Variants in TRPM2 observed in about 807,000 individuals in gnomAD.
TRPM2 encodes the protein transient receptor potential cation channel subfamily M member 2, also known as estrogen-responsive element-associated gene 1 protein.
In TRPM2, 161 loss-of-function variants were observed where a neutral mutation model predicts 174.0. The ratio of observed to expected loss-of-function variants is 0.93; its 90% CI spans 0.81 to 1.05. The LOEUF is 1.05. Among genes scored for constraint, TRPM2 ranks in the 50% least tolerant of loss-of-function variants. TRPM2 has a pLI of 0.00. For synonymous variants in TRPM2, 954 were observed against 861.3 expected, an observed-to-expected ratio of 1.11 and a Z score of -1.88; for missense variants, 2,057 against 2,038.0, an observed-to-expected ratio of 1.01 and a Z score of -0.18.
At chr21:44,409,868 G>GGTGA (rs764813383) in intron 19 of TRPM2, among the ~76,000 whole-genome samples, 10 of 141,034 alleles carry the variant, frequency 7.1e-5, no homozygotes, top group African/African-American at 7.6e-5. Flanking sequence ...ACACTGTCTT[G>GGTGA]GCGTAGACTT....
At chr21:44,380,090 C>A (rs2048835207) in intron 8 of TRPM2, among the ~76,000 whole-genome samples, 1 of 152,192 alleles carries the variant, frequency 6.6e-6, no homozygotes, top group Non-Finnish European at 1.5e-5. Flanking sequence ...AAATGAGCAC[C>A]CTCAGGAACC....
intron 5 of TRPM2, 152 bp downstream of exon 5, chr21:44,369,495 C>G (rs62218762): frequency 0.061 from 47,959 of 781,626 alleles, 3,359 homozygotes; most frequent in East Asian, 0.091. Flanking sequence ...TGTGCGGGGG[C>G]CGGGGTGTGG....
At position 44,375,901 on chromosome 21, in the gene TRPM2, C is replaced by T; in HGVS notation, c.840C>T (p.Asn280=). 1 of 1,613,870 alleles carries T rather than the reference C, an allele frequency of 6.2e-7. No individual in the cohort carries two copies. Among genetic ancestry groups the T allele is most frequent in the South Asian group, 1.1e-5 (1 of 91,092 alleles). Residue 280 remains asparagine (N), a synonymous_variant, in exon 6 of 32, where the codon AAC becomes AAT. Transcript: ENST00000397928. Reference sequence around the variant, plus strand: ...GGAACCTGACCTGCCTAGACAGCAACCACTCTCACTTCATCCTCGTGGACG... The same window carrying T: ...GGAACCTGACCTGCCTAGACAGCAATCACTCTCACTTCATCCTCGTGGACG... ...GQGNLTCLDS[N]HSHFILVDDG...
Position 44,414,061 on chromosome 21 carries a change from A to AAGGC in TRPM2, c.3133_3134insAGGC (p.Ile1045LysfsTer26). 6.2e-7 allele frequency: 1 copy of AAGGC among 1,610,848 alleles called. No homozygotes were observed. Among genetic ancestry groups the AAGGC allele is most frequent in the Non-Finnish European group, 8.5e-7 (1 of 1,179,008 alleles). On this transcript the variant is annotated frameshift_variant, in exon 20 of 32. Coordinates refer to ENST00000397928, the MANE Select transcript of TRPM2 (RefSeq NM_003307.4). LOFTEE classifies it high-confidence loss of function. ...CAACATCCTGCTGCTCAACCTCCTC[A>AAGGC]TCGCCATGTTCAAGTGAGCGCCTGG...
chr21:44,350,931 C>G (rs2047918422), upstream of TRPM2, among the ~76,000 whole-genome samples: 1 of 152,174 alleles, frequency 6.6e-6, no homozygotes, highest in South Asian at 2.1e-4. Flanking sequence ...CGCTTACTTC[C>G]TCCGTCCCCG....
rs749273256 is a variant in TRPM2 at position 44,369,343 on chromosome 21, G to C, written c.771G>C (p.Thr257=). The C allele has an allele frequency of 1.2e-5, 19 of 1,609,072 alleles. No individual in the cohort carries two copies. The highest frequency in any genetic ancestry group is 1.7e-4 in the Middle Eastern group (1 of 6,050). The part of the protein sequence containing the change: ...VHRREGLIHP[T]GSFPAEYILD... ...GCCGCGAGGGCCTGATCCATCCCAC[G>C]GTGAGTGCGGCCCCCTAGGGAGGGG... is the stretch of plus-strand genomic sequence containing the variant. The change falls in exon 5 of 32, where the codon ACG becomes ACC. Residue 257 remains threonine, a splice_region_variant and synonymous_variant. Transcript: ENST00000397928.
intron 19 of TRPM2, 82 bp downstream of exon 19, chr21:44,406,847 G>T (rs1569078246): frequency 4.0e-6 from 6 of 1,510,124 alleles, no homozygotes; most frequent in Non-Finnish European, 5.3e-6. Context: ...ATGAGTGGGA[G>T]TGAGGCCGGC....
intron 11 of TRPM2, among the ~76,000 whole-genome samples, chr21:44,392,711 G>A (rs2049220926): frequency 6.6e-6 from 1 of 152,040 alleles, no homozygotes; most frequent in Non-Finnish European, 1.5e-5. Context: ...ATGAATTTTA[G>A]GGGGGACAGA....
At chr21:44,430,935 A>G (rs1365291134) in intron 27 of TRPM2, among the ~76,000 whole-genome samples, 1 of 149,840 alleles carries the variant, frequency 6.7e-6, no homozygotes, top group Non-Finnish European at 1.5e-5. Context: ...TTCTCTTTTG[A>G]GCATTGATAT....
Position 44,382,814 on chromosome 21 carries a change from C to A in TRPM2, c.1312C>A (p.Leu438Met), listed in dbSNP as rs995236351. ...GGATGTGGCCATCTTGCAGGCCTTG[C>A]TGAAAGGTGAGGGTCAGGGAACATG... The part of the protein sequence containing the change: ...DVDVAILQAL[L>M]KASRSQDHFG... Residue 438 changes from leucine (L) to methionine (M), a missense_variant, in exon 9 of 32, where the codon CTG becomes ATG. By Grantham distance (15) the Leu-to-Met change is conservative (BLOSUM62 2). Transcript: ENST00000397928. 12 of 1,612,908 alleles carry A rather than the reference C, an allele frequency of 7.4e-6. No homozygotes were observed. Among genetic ancestry groups the A allele is most frequent in the Non-Finnish European group, 1.0e-5 (12 of 1,179,654 alleles).
intron 31 of TRPM2, 148 bp downstream of exon 31, chr21:44,441,053 G>T: frequency 2.9e-6 from 2 of 696,510 alleles, no homozygotes; most frequent in East Asian, 2.7e-5. Flanking sequence ...GAGGGAAGGC[G>T]GGGACCGGGG....
chr21:44,427,522 C>T (rs45522336), intron 27 of TRPM2, among the ~76,000 whole-genome samples: 1 of 152,278 alleles, frequency 6.6e-6, no homozygotes, highest in East Asian at 1.9e-4. Flanking sequence ...CCCACAGGAT[C>T]GGCGCTGCAC....
chr21:44,403,279 T>G (rs975731527), intron 16 of TRPM2, among the ~76,000 whole-genome samples: 3 of 152,142 alleles, frequency 2.0e-5, no homozygotes, highest in African/African-American at 2.4e-5. Context: ...AGCTGCTGGG[T>G]CCTGGGGCCT....
At chr21:44,425,968 T>A in intron 25 of TRPM2, 141 bp downstream of exon 25, 1 of 1,195,844 alleles carries the variant, frequency 8.4e-7, no homozygotes, top group Non-Finnish European at 1.1e-6. Flanking sequence ...TGGCAGCCCC[T>A]GTTTGACATT....
In TRPM2 at chr21:44,414,059, T is replaced by TA; in HGVS notation, c.3131_3132insA (p.Ile1045HisfsTer25). Reference sequence around the variant, plus strand: ...ACCAACATCCTGCTGCTCAACCTCCTCATCGCCATGTTCAAGTGAGCGCCT... The same window carrying TA: ...ACCAACATCCTGCTGCTCAACCTCCTACATCGCCATGTTCAAGTGAGCGCCT... On this transcript the variant is annotated frameshift_variant, in exon 20 of 32. Transcript: ENST00000397928. LOFTEE classifies it high-confidence loss of function. The TA allele has an allele frequency of 6.3e-7, 1 of 1,597,308 alleles. No homozygotes were observed. The highest frequency in any genetic ancestry group is 8.5e-7 in the Non-Finnish European group (1 of 1,172,154).
In TRPM2 at chr21:44,400,383, C is replaced by G; in HGVS notation, c.2321+12C>G. The stretch of plus-strand genomic sequence containing the variant: ...CTCATCTCCTTCAGGTGCTGCAGGG[C>G]TGCGGGGCTGCGGGACTGTGGGGCT... On this transcript the variant is annotated intron_variant, in intron 15 of 31. Transcript: ENST00000397928. The G allele has an allele frequency of 6.2e-7, 1 of 1,603,216 alleles. No individual in the cohort carries two copies. The highest frequency in any genetic ancestry group is 8.5e-7 in the Non-Finnish European group (1 of 1,175,874).
intron 8 of TRPM2, 137 bp from the exon 9 acceptor site, chr21:44,382,581 A>G: frequency 1.4e-6 from 1 of 691,996 alleles, no homozygotes. Flanking sequence ...GCAAGAGGAG[A>G]TGTGGTGGTG....
At chr21:44,433,713 C>T (rs2051116579) in intron 27 of TRPM2, among the ~76,000 whole-genome samples, 1 of 152,182 alleles carries the variant, frequency 6.6e-6, no homozygotes, top group South Asian at 2.1e-4. Context: ...GCCTGGGCCC[C>T]ACCGTGCAAG....
chr21:44,426,474 C>T (rs1447187970), intron 25 of TRPM2, among the ~76,000 whole-genome samples, 186 bp from the exon 26 acceptor site: 3 of 152,242 alleles, frequency 2.0e-5, no homozygotes, highest in South Asian at 4.1e-4. Flanking sequence ...TGATCCCAGC[C>T]CCCGGCCCTG....
Sources: gnomAD v4.1 joint callset for allele counts (sites outside exome capture counted in the v4.1 genomes callset) on GRCh38, gnomAD v4.1.1 for gene constraint, MANE v1.5 for transcripts, NCBI Gene and HGNC (gene_info 2026-07-23, HGNC 2026-07-21) for gene names.